Variants in MTOR observed in about 807,000 individuals in gnomAD.
The protein encoded by MTOR is serine/threonine-protein kinase mTOR.
In MTOR, 70 loss-of-function variants were observed where a neutral mutation model predicts 319.8. The observed-to-expected ratio is 0.22, with a 90% CI of 0.18 to 0.27. The LOEUF (loss-of-function observed/expected upper bound fraction) is 0.27, where lower values mean the gene tolerates loss of function less well. Among genes scored for constraint, MTOR ranks in the 10% least tolerant of loss-of-function variants. MTOR has a pLI of 1.00. For missense variants in MTOR, 1,890 were observed against 3,274.4 expected (o/e 0.58, Z 10.32); for synonymous variants, 1,183 against 1,211.4 (o/e 0.98, Z 0.49).
At chr1:11,132,091 T>TA (rs1421472188) in intron 38 of MTOR, 1 of 152,180 alleles carries the variant, frequency 6.6e-6, no homozygotes, top group Non-Finnish European at 1.5e-5. Context: ...GAATACATCA[T>TA]AAAACAAAAG....
At chr1:11,130,955 C>G in intron 38 of MTOR, 178 bp from the exon 39 acceptor site, 2 of 760,864 alleles carry the variant, frequency 2.6e-6, no homozygotes, top group Non-Finnish European at 4.2e-6. Context: ...ATGATCCACT[C>G]ACTTTGTGGA....
intron 1 of MTOR, 134 bp from the exon 2 acceptor site, chr1:11,259,557 T>G (rs1650845884): frequency 1.1e-6 from 1 of 938,424 alleles, no homozygotes; most frequent in Admixed American, 3.0e-5. Flanking sequence ...TTGAGAGATC[T>G]GATTGAGGAA....
At chr1:11,144,103 T>C (rs1322501622) in intron 34 of MTOR, 1 of 152,858 alleles carries the variant, frequency 6.5e-6, no homozygotes, top group African/African-American at 2.4e-5. Flanking sequence ...TAAGTAGCTA[T>C]AAATAGCAGG....
chr1:11,135,990 C>G (rs1020559740), intron 36 of MTOR, among the ~76,000 whole-genome samples: 1 of 151,960 alleles, frequency 6.6e-6, no homozygotes, highest in Non-Finnish European at 1.5e-5. Context: ...CAAAAATTAG[C>G]TGGGCGTGGT....
At position 11,230,969 on chromosome 1, in the gene MTOR, G is replaced by A. The variant is rs2100866040; in HGVS notation, c.2735C>T (p.Ala912Val). ...NIGMIDQSRDASAVSLSESKS... is the reference protein window; with the variant it reads ...NIGMIDQSRDVSAVSLSESKS... ...GGATTCTGACAGGCTGACAGCAGAG[G>A]CATCCCGGGACTGGTCTATCATGCC... Residue 912 changes from alanine to valine, a missense_variant, in exon 18 of 58, where the codon GCC becomes GTC. Coordinates refer to ENST00000361445, the MANE Select transcript of MTOR (RefSeq NM_004958.4). 1 of 1,614,092 alleles carries A rather than the reference G, an allele frequency of 6.2e-7. No individual in the cohort carries two copies.
At chr1:11,216,823 A>G (rs967244071) in intron 19 of MTOR, among the ~76,000 whole-genome samples, 2 of 152,174 alleles carry the variant, frequency 1.3e-5, no homozygotes, top group African/African-American at 4.8e-5. Context: ...AATGGAGATA[A>G]TAATACTTAC....
intron 56 of MTOR, among the ~76,000 whole-genome samples, chr1:11,108,777 T>C (rs1264803754): frequency 6.8e-6 from 1 of 147,698 alleles, no homozygotes; most frequent in Non-Finnish European, 1.5e-5. Flanking sequence ...GGTGAATCAC[T>C]TGAGGTCAGG....
In MTOR at chr1:11,121,086, C is replaced by T. The variant is rs768974921; in HGVS notation, c.6933+160G>A. 6.6e-5 allele frequency among the ~76,000 whole-genome samples: 10 copies of T among 152,232 alleles called. No individual in the cohort carries two copies. Among genetic ancestry groups the T allele is most frequent in the African/African-American group, 1.9e-4 (8 of 41,466 alleles). ...ACTCATTCTAACTCTGTGAACTTGT[C>T]TTGCTCACCCATTTCATTTTTGTTA... is the stretch of plus-strand genomic sequence containing the variant. On this transcript the variant is annotated intron_variant, in intron 49 of 57. Coordinates refer to ENST00000361445, the MANE Select transcript of MTOR (RefSeq NM_004958.4). This position sits in a 1 kb window ranked among gnomAD's most constrained non-coding sequence, Gnocchi z 4.9.
chr1:11,249,068 A>G (rs920257820), intron 6 of MTOR, among the ~76,000 whole-genome samples: 2 of 152,106 alleles, frequency 1.3e-5, no homozygotes, highest in African/African-American at 2.4e-5. Context: ...TACTAAAAAT[A>G]CAAAAATTAG....
chr1:11,124,090 C>T (rs913022843), intron 47 of MTOR, among the ~76,000 whole-genome samples: 6 of 152,160 alleles, frequency 3.9e-5, no homozygotes, highest in Non-Finnish European at 1.5e-5. Context: ...GCCCGGTCAC[C>T]TTTTTAATTT....
intron 36 of MTOR, among the ~76,000 whole-genome samples, chr1:11,135,096 T>C (rs1643341485): frequency 6.6e-6 from 1 of 152,170 alleles, no homozygotes; most frequent in Non-Finnish European, 1.5e-5. Context: ...CCGGCTTGTA[T>C]ACAAAGTGAG....
intron 13 of MTOR, among the ~76,000 whole-genome samples, chr1:11,235,551 A>G (rs1240393148): frequency 2.6e-5 from 4 of 152,214 alleles, no homozygotes; most frequent in South Asian, 4.1e-4. Context: ...GGAAAAATCT[A>G]TATCAAAGTT....
intron 26 of MTOR, among the ~76,000 whole-genome samples, chr1:11,201,105 G>A (rs1645955688): frequency 6.6e-6 from 1 of 152,076 alleles, no homozygotes; most frequent in Non-Finnish European, 1.5e-5. Flanking sequence ...GAGGCAGGAG[G>A]ATCTCTTGAG....
chr1:11,224,678 C>T (rs916093880), intron 19 of MTOR, among the ~76,000 whole-genome samples: 3 of 152,094 alleles, frequency 2.0e-5, no homozygotes, highest in African/African-American at 7.2e-5. Context: ...ACCATTAAAG[C>T]AGTTCCAGCA....
At chr1:11,146,446 C>T (rs1254963029) in intron 32 of MTOR, among the ~76,000 whole-genome samples, 1 of 152,192 alleles carries the variant, frequency 6.6e-6, no homozygotes, top group African/African-American at 2.4e-5. Flanking sequence ...CCAAAAGCAA[C>T]CGAGACAGTA....
At chr1:11,231,153 A>G in intron 17 of MTOR, 99 bp from the exon 18 acceptor site, 1 of 1,594,676 alleles carries the variant, frequency 6.3e-7, no homozygotes, top group Non-Finnish European at 8.6e-7. Context: ...TCCCCAGTTC[A>G]TATCCAAATG....
At chr1:11,227,958 C>A (rs1262070829) in intron 19 of MTOR, among the ~76,000 whole-genome samples, 1 of 151,948 alleles carries the variant, frequency 6.6e-6, no homozygotes, top group South Asian at 2.1e-4. Flanking sequence ...GCCGCATGCT[C>A]GCACTGAGGA....
At chr1:11,193,310 C>T (rs1323194428) in intron 28 of MTOR, among the ~76,000 whole-genome samples, 1 of 142,038 alleles carries the variant, frequency 7.0e-6, no homozygotes, top group African/African-American at 2.6e-5. Context: ...AATTCTGCTT[C>T]AAAAAAAAAA....
At chr1:11,157,112 T>C (rs1167820606) in intron 30 of MTOR, 40 bp downstream of exon 30, 1 of 1,540,298 alleles carries the variant, frequency 6.5e-7, no homozygotes, top group Non-Finnish European at 8.7e-7. Flanking sequence ...AGAGACGAAG[T>C]CTCTTGCAGC....
Sources: gnomAD v4.1 joint callset for allele counts (sites outside exome capture counted in the v4.1 genomes callset) on GRCh38, gnomAD v4.1.1 for gene constraint, Gnocchi (gnomAD v3.1) non-coding constraint, MANE v1.5 for transcripts, NCBI Gene and HGNC (gene_info 2026-07-23, HGNC 2026-07-21) for gene names.